CNTN5: variants seen among roughly 807,000 people sequenced by gnomAD.
CNTN5 encodes the protein contactin-5.
In CNTN5, 77 loss-of-function variants were observed where a neutral mutation model predicts 129.1. The ratio of observed to expected loss-of-function variants is 0.60; its 90% CI spans 0.50 to 0.72. CNTN5 has a LOEUF of 0.72. Ranked by LOEUF, CNTN5 falls within the 30% of genes least tolerant of loss-of-function variation. The pLI, the probability that CNTN5 is intolerant of heterozygous loss-of-function variation, is 0.00. For missense variants in CNTN5, 1,478 were observed against 1,328.8 expected (o/e 1.11, Z -1.75); for synonymous variants, 509 against 465.6 (o/e 1.09, Z -1.20).
At chr11:99,054,642 A>C (rs1346815638) in intron 1 of CNTN5, among the ~76,000 whole-genome samples, 1 of 151,706 alleles carries the variant, frequency 6.6e-6, no homozygotes, top group Non-Finnish European at 1.5e-5. Flanking sequence ...ATTCCTTAAA[A>C]ACTTATCTTC....
intron 13 of CNTN5, among the ~76,000 whole-genome samples, chr11:100,157,455 G>A (rs1389185564): frequency 6.6e-6 from 1 of 151,222 alleles, no homozygotes; most frequent in Non-Finnish European, 1.5e-5. Flanking sequence ...TAGCATTACA[G>A]AAATTAAATA....
At position 100,098,850 on chromosome 11, in the gene CNTN5, A is replaced by G. The variant is rs953609436; in HGVS notation, c.1580+24556A>G. Among the ~76,000 whole-genome samples the G allele has an allele frequency of 2.0e-5, 3 of 151,964 alleles. No individual in the cohort carries two copies. The South Asian group carries it at 6.2e-4, about 32-fold the overall frequency. ...AGCACAACAGTTGTCCACAAATTCC[A>G]TCATTTTCTAGCAGATTAGCCGGAC... On this transcript the variant is annotated intron_variant, in intron 13 of 24. Coordinates refer to ENST00000524871, the MANE Select transcript of CNTN5 (RefSeq NM_014361.4).
At chr11:99,331,080 G>C (rs1408912161) in intron 2 of CNTN5, among the ~76,000 whole-genome samples, 1 of 151,994 alleles carries the variant, frequency 6.6e-6, no homozygotes, top group African/African-American at 2.4e-5. Context: ...ATTTTCAAGA[G>C]TGTTAAGCTT....
intron 1 of CNTN5, among the ~76,000 whole-genome samples, chr11:99,103,151 C>A (rs558586688): frequency 6.6e-6 from 1 of 152,272 alleles, no homozygotes; most frequent in Non-Finnish European, 1.5e-5. Context: ...AGTGGTTTAT[C>A]TCCCATTATC....
intron 2 of CNTN5, among the ~76,000 whole-genome samples, chr11:99,498,998 G>T (rs781018694): frequency 3.3e-5 from 5 of 152,110 alleles, no homozygotes; most frequent in African/African-American, 9.7e-5. Context: ...TCTGATGTTT[G>T]CAATCACATG....
intron 1 of CNTN5, among the ~76,000 whole-genome samples, chr11:99,264,317 C>T (rs949253380): frequency 2.0e-5 from 3 of 151,614 alleles, no homozygotes; most frequent in Admixed American, 1.3e-4. Flanking sequence ...ATTGTTACCC[C>T]TTTTTTGCAC....
chr11:99,173,730 C>G (rs943700798), intron 1 of CNTN5, among the ~76,000 whole-genome samples: 1 of 152,100 alleles, frequency 6.6e-6, no homozygotes, highest in African/African-American at 2.4e-5. Context: ...GTTTTAGACT[C>G]AACAATCGGA....
chr11:100,144,735 A>AT (rs35851910), intron 13 of CNTN5, among the ~76,000 whole-genome samples: 95,968 of 148,692 alleles, frequency 0.65, 32,650 homozygotes, highest in East Asian at 0.82. Flanking sequence ...GGAGTGAGGA[A>AT]TTTTTTTTTT....
intron 3 of CNTN5, among the ~76,000 whole-genome samples, chr11:99,573,801 AC>A (rs1184836185): frequency 6.6e-6 from 1 of 151,668 alleles, no homozygotes; most frequent in Non-Finnish European, 1.5e-5. Flanking sequence ...TTTTGGAGAA[AC>A]CTTTCTAGAG....
intron 2 of CNTN5, among the ~76,000 whole-genome samples, chr11:99,399,713 C>A (rs1431057681): frequency 6.6e-6 from 1 of 151,684 alleles, no homozygotes; most frequent in Non-Finnish European, 1.5e-5. Context: ...TATTGCTTAT[C>A]TAAATATTTT....
At chr11:99,357,126 G>C (rs1014990033) in intron 2 of CNTN5, among the ~76,000 whole-genome samples, 1 of 151,782 alleles carries the variant, frequency 6.6e-6, no homozygotes, top group Non-Finnish European at 1.5e-5. Flanking sequence ...AGAGCCTAAG[G>C]AATTTGATCA....
intron 6 of CNTN5, among the ~76,000 whole-genome samples, chr11:99,912,422 T>A (rs1949685273): frequency 6.6e-6 from 1 of 152,016 alleles, no homozygotes; most frequent in Admixed American, 6.6e-5. Context: ...CCCAAGTAGG[T>A]ATGATTAATT....
At chr11:99,407,565 G>A (rs1942134103) in intron 2 of CNTN5, among the ~76,000 whole-genome samples, 1 of 152,150 alleles carries the variant, frequency 6.6e-6, no homozygotes, top group Admixed American at 6.5e-5. Context: ...CCCAGCTGGT[G>A]TCTCAGTAGG....
intron 15 of CNTN5, among the ~76,000 whole-genome samples, chr11:100,194,684 C>A (rs1267753556): frequency 6.6e-6 from 1 of 151,030 alleles, no homozygotes; most frequent in African/African-American, 2.4e-5. Flanking sequence ...AGCTGTGTAA[C>A]ATAAAGCCAG....
At chr11:99,109,796 C>T (rs17133019) in intron 1 of CNTN5, among the ~76,000 whole-genome samples, 4 of 151,976 alleles carry the variant, frequency 2.6e-5, no homozygotes, top group African/African-American at 9.7e-5. Flanking sequence ...ATTCCTTTTT[C>T]TTTTCAGTCA....
At chr11:99,296,179 A>G (rs1241574601) in intron 1 of CNTN5, among the ~76,000 whole-genome samples, 3 of 152,114 alleles carry the variant, frequency 2.0e-5, no homozygotes, top group Non-Finnish European at 1.5e-5. Context: ...AGTTGTTCAC[A>G]TCAAGGATGT....
intron 2 of CNTN5, among the ~76,000 whole-genome samples, chr11:99,467,375 G>A (rs999280602): frequency 6.6e-6 from 1 of 151,976 alleles, no homozygotes; most frequent in Non-Finnish European, 1.5e-5. Flanking sequence ...CTTATACATG[G>A]TGTAAGATTA....
intron 13 of CNTN5, among the ~76,000 whole-genome samples, chr11:100,138,887 A>G (rs1304017694): frequency 6.6e-6 from 1 of 152,138 alleles, no homozygotes; most frequent in South Asian, 2.1e-4. Flanking sequence ...TTGAACCACA[A>G]TGCTTGGTAG....
intron 13 of CNTN5, among the ~76,000 whole-genome samples, chr11:100,165,480 TAA>T (rs1947599579): frequency 6.6e-6 from 1 of 151,842 alleles, no homozygotes; most frequent in Non-Finnish European, 1.5e-5. Context: ...AGAGCTCTGT[TAA>T]TTGTAAATAA....
Sources: gnomAD v4.1 joint callset for allele counts (sites outside exome capture counted in the v4.1 genomes callset) on GRCh38, gnomAD v4.1.1 for gene constraint, MANE v1.5 for transcripts, NCBI Gene and HGNC (gene_info 2026-07-23, HGNC 2026-07-21) for gene names.